Variants in PLCB1 observed in about 807,000 individuals in gnomAD.
PLCB1 encodes the protein phospholipase C beta 1.
In PLCB1, 46 loss-of-function variants were observed where a neutral mutation model predicts 161.8. The observed-to-expected ratio is 0.28, with a 90% CI of 0.22 to 0.36. The LOEUF (loss-of-function observed/expected upper bound fraction) is 0.36. Ranked by LOEUF, PLCB1 falls within the 10% of genes least tolerant of loss-of-function variation. PLCB1 has a pLI of 1.00. For synonymous variants in PLCB1, 517 were observed against 503.7 expected (o/e 1.03, Z -0.35); for missense variants, 1,016 against 1,472.5 (o/e 0.69, Z 5.07).
Position 8,574,206 on chromosome 20 carries a change from C to T in PLCB1, c.247-54088C>T, listed in dbSNP as rs1600162874. Among the ~76,000 whole-genome samples the T allele has an allele frequency of 2.0e-5, 3 of 152,242 alleles. No homozygotes were observed. In the East Asian group the frequency reaches 5.8e-4, roughly 30 times the overall value. On this transcript the variant is annotated intron_variant, in intron 3 of 31. Coordinates refer to ENST00000338037, the MANE Select transcript of PLCB1 (RefSeq NM_015192.4). ...TCACCTGAAGTCAGGAGTTCAAGAC[C>T]AACCAATATGGGTGAAACCCCATCT...
intron 11 of PLCB1, among the ~76,000 whole-genome samples, chr20:8,702,128 AT>A (rs2123438361): frequency 6.6e-6 from 1 of 152,338 alleles, no homozygotes; most frequent in Non-Finnish European, 1.5e-5. Context: ...ATGGGTCAAA[AT>A]AAAAAGTTAC....
Position 8,635,754 on chromosome 20 carries a change from A to G in PLCB1, c.384+7323A>G, listed in dbSNP as rs1294665037. On this transcript the variant is annotated intron_variant, in intron 4 of 31. Coordinates refer to ENST00000338037, the MANE Select transcript of PLCB1 (RefSeq NM_015192.4). ...TTTTAAGCAAAAGAAATTATAGTCT[A>G]TGGGATAAAGGTGGGAAATAGAAAA... is the stretch of plus-strand genomic sequence containing the variant. Among the ~76,000 whole-genome samples the G allele has an allele frequency of 2.0e-5, 3 of 152,200 alleles. No individual in the cohort carries two copies. The East Asian group carries it at 5.8e-4, about 29-fold the overall frequency.
intron 4 of PLCB1, among the ~76,000 whole-genome samples, chr20:8,634,787 G>T (rs576391867): frequency 6.6e-6 from 1 of 152,184 alleles, no homozygotes; most frequent in South Asian, 2.1e-4. Flanking sequence ...GGGCACTGAG[G>T]ATTCATCAGT....
chr20:8,565,168 T>C (rs1014869203), intron 3 of PLCB1, among the ~76,000 whole-genome samples: 10 of 152,026 alleles, frequency 6.6e-5, no homozygotes, highest in Non-Finnish European at 1.5e-4. Context: ...TAAAAAAGGA[T>C]GAGTTCATGT....
intron 3 of PLCB1, among the ~76,000 whole-genome samples, chr20:8,549,039 C>G (rs1985675073): frequency 6.6e-6 from 1 of 152,052 alleles, no homozygotes; most frequent in Admixed American, 6.6e-5. Flanking sequence ...AAACAAATAC[C>G]TAATACATGC....
intron 1 of PLCB1, chr20:8,141,884 C>G (rs546647326): frequency 6.6e-6 from 1 of 152,252 alleles, no homozygotes; most frequent in South Asian, 2.1e-4. Context: ...TGTCCCATGG[C>G]CTCTCATAGA....
At chr20:8,404,438 A>G (rs1368075408) in intron 3 of PLCB1, among the ~76,000 whole-genome samples, 1 of 152,220 alleles carries the variant, frequency 6.6e-6, no homozygotes, top group Non-Finnish European at 1.5e-5. Context: ...CTGGCACCGA[A>G]CTGAAAATGA....
chr20:8,814,845 CCTT>C (rs1985007005), intron 31 of PLCB1, among the ~76,000 whole-genome samples: 2 of 152,280 alleles, frequency 1.3e-5, no homozygotes, highest in South Asian at 4.1e-4. Flanking sequence ...TGGACTGACA[CCTT>C]CATTTAGCAG....
chr20:8,543,702 G>A (rs2423375), intron 3 of PLCB1, among the ~76,000 whole-genome samples: 115,727 of 151,276 alleles, frequency 0.77, 45,393 homozygotes, highest in African/African-American at 0.94. Flanking sequence ...TGTAGCTCCC[G>A]TAATCCCTGT....
In PLCB1 at chr20:8,882,199, T is replaced by G. The variant is rs1315150631; in HGVS notation, c.*350T>G. 8.6e-6 allele frequency: 2 copies of G among 232,620 alleles called. No homozygotes were observed. Among genetic ancestry groups the G allele is most frequent in the East Asian group, 2.0e-4 (2 of 10,144 alleles). The allele number at this position is 232,620 out of a possible 1,614,324, so 14.4% of individuals were successfully genotyped here. A position where few individuals can be genotyped will look rare whatever the true frequency, so the allele number is the denominator to read the frequency against. On this transcript the variant is annotated 3_prime_UTR_variant, in exon 32 of 32. Coordinates refer to ENST00000338037, the MANE Select transcript of PLCB1 (RefSeq NM_015192.4). ...AAGCTCGTGTTTTTATTCGAAGCTC[T>G]GGTGTAAAATATTTCAAAGTCATAG... is the stretch of plus-strand genomic sequence containing the variant.
intron 27 of PLCB1, among the ~76,000 whole-genome samples, chr20:8,787,602 C>T (rs565933755): frequency 3.3e-5 from 5 of 152,198 alleles, no homozygotes; most frequent in Non-Finnish European, 7.3e-5. Context: ...ACCTGAAAAC[C>T]TTGCAGAAGG....
chr20:8,709,512 C>T (rs1451740449), intron 12 of PLCB1, among the ~76,000 whole-genome samples: 1 of 152,138 alleles, frequency 6.6e-6, no homozygotes, highest in Non-Finnish European at 1.5e-5. Context: ...CCAGCAGCAC[C>T]TGTCCTAATT....
chr20:8,172,085 A>G (rs1038914488), intron 2 of PLCB1, among the ~76,000 whole-genome samples: 4 of 152,124 alleles, frequency 2.6e-5, no homozygotes, highest in African/African-American at 9.7e-5. Flanking sequence ...ATGTATAGGA[A>G]TGTGCACCCT....
chr20:8,814,718 TAAC>T (rs1985000850), intron 31 of PLCB1, among the ~76,000 whole-genome samples: 2 of 152,204 alleles, frequency 1.3e-5, no homozygotes, highest in South Asian at 4.1e-4. Context: ...TATGAAACAA[TAAC>T]AGGTAGGAAG....
intron 3 of PLCB1, among the ~76,000 whole-genome samples, chr20:8,423,436 C>T (rs1281393246): frequency 6.6e-6 from 1 of 152,118 alleles, no homozygotes; most frequent in Non-Finnish European, 1.5e-5. Flanking sequence ...AAACAGCTTA[C>T]TGGGGATGAG....
At chr20:8,827,299 T>C (rs1240793981) in intron 31 of PLCB1, among the ~76,000 whole-genome samples, 1 of 152,332 alleles carries the variant, frequency 6.6e-6, no homozygotes, top group East Asian at 1.9e-4. Flanking sequence ...GTATTTGCAT[T>C]TGCTATGTGT....
chr20:8,812,844 T>C lies in PLCB1; in HGVS notation c.3423+22583T>C, dbSNP rs1194519099. The stretch of plus-strand genomic sequence containing the variant: ...AAATGTTGAAGAAACCATAAGGAAA[T>C]TGTCTATTTCCTTTAACAGTTAGAA... On this transcript the variant is annotated intron_variant, in intron 31 of 31. Transcript: ENST00000338037. 2.0e-5 allele frequency among the ~76,000 whole-genome samples: 3 copies of C among 152,136 alleles called. No homozygotes were observed. In the East Asian group the frequency reaches 5.8e-4, roughly 29 times the overall value.
intron 2 of PLCB1, among the ~76,000 whole-genome samples, chr20:8,352,364 T>C (rs1483494937): frequency 6.6e-6 from 1 of 152,080 alleles, no homozygotes; most frequent in Non-Finnish European, 1.5e-5. Context: ...TGAATCTTTT[T>C]AGGATAGGGA....
rs140608618 is a variant in PLCB1 at position 8,521,237 on chromosome 20, G to C, written c.247-107057G>C. 3.4e-3 allele frequency among the ~76,000 whole-genome samples: 516 copies of C among 151,860 alleles called. 6 individuals are homozygous for C. The highest frequency in any genetic ancestry group is 0.012 in the African/African-American group (489 of 41,388). ...TTTTTCCATAATTTTTATTAATTCA[G>C]TGAGGCCCTCCTTCTCATTTGTACA... is the stretch of plus-strand genomic sequence containing the variant. On this transcript the variant is annotated intron_variant, in intron 3 of 31. Coordinates refer to ENST00000338037, the MANE Select transcript of PLCB1 (RefSeq NM_015192.4).
Sources: allele counts gnomAD v4.1 joint callset (sites outside exome capture counted in the v4.1 genomes callset), GRCh38; gene constraint gnomAD v4.1.1; transcripts MANE v1.5; gene names NCBI Gene and HGNC (gene_info 2026-07-23, HGNC 2026-07-21).